The following MRE11 variants were observed in gnomAD, a reference collection of about 807,000 sequenced individuals.
The protein encoded by MRE11 is MRE11 double strand break repair nuclease, also known as double-strand break repair protein MRE11.
MRE11 carries 62 observed loss-of-function variants against 91.7 expected under a neutral mutation model. The ratio of observed to expected loss-of-function variants is 0.68; its 90% confidence interval spans 0.55 to 0.84. The LOEUF is 0.84. MRE11 is among the 40% of genes least tolerant of loss of function. The pLI, the probability that MRE11 is intolerant of heterozygous loss-of-function variation, is 0.00. For synonymous variants in MRE11, 273 were observed against 271.4 expected, an observed-to-expected ratio of 1.01 and a Z score of -0.06; for missense variants, 796 against 852.9, an observed-to-expected ratio of 0.93 and a Z score of 0.83.
chr11:94,485,663 A>G (rs1431763563), intron 4 of MRE11, among the ~76,000 whole-genome samples: 1 of 151,298 alleles, frequency 6.6e-6, no homozygotes, highest in Non-Finnish European at 1.5e-5. Flanking sequence ...CTGGAGTGCA[A>G]TGGCACAATT....
At chr11:94,495,173 G>C (rs1358813680), upstream of MRE11, among the ~76,000 whole-genome samples, 1 of 152,130 alleles carries the variant, frequency 6.6e-6, no homozygotes, top group African/African-American at 2.4e-5. Flanking sequence ...TAGTAATAAA[G>C]TTTAATACCA....
chr11:94,430,126 A>C lies in MRE11; in HGVS notation c.1995-140T>G, dbSNP rs748421233. On this transcript the variant is annotated intron_variant, in intron 18 of 19. Transcript: ENST00000323929. ...TCCCTTAAAATCTACATTAGCGGCAATAAAACTTAACTGTAAGGAAAAGGA... is the reference window on the plus strand; with the variant it reads ...TCCCTTAAAATCTACATTAGCGGCACTAAAACTTAACTGTAAGGAAAAGGA... 519 of 868,926 alleles carry C rather than the reference A, an allele frequency of 6.0e-4. No individual in the cohort carries two copies. The highest frequency in any genetic ancestry group is 8.9e-4 in the Non-Finnish European group (475 of 532,434). 53.8% of individuals were successfully genotyped at this position (868,926 alleles called of 1,614,324 possible).
chr11:94,431,759 T>C (rs1377863143), intron 18 of MRE11, among the ~76,000 whole-genome samples: 1 of 152,222 alleles, frequency 6.6e-6, no homozygotes, highest in African/African-American at 2.4e-5. Context: ...AATTCACATG[T>C]AAAATGCTCA....
chr11:94,481,264 G>A (rs924186006), intron 4 of MRE11, among the ~76,000 whole-genome samples: 22 of 151,956 alleles, frequency 1.4e-4, no homozygotes, highest in African/African-American at 4.8e-4. Context: ...AGCCGAGATC[G>A]CGCCACTGCT....
intron 13 of MRE11, 94 bp downstream of exon 13, chr11:94,459,314 G>C (rs1946350909): frequency 8.8e-6 from 11 of 1,246,854 alleles, no homozygotes; most frequent in African/African-American, 1.5e-5. Flanking sequence ...ACAAATCAGA[G>C]AGGTTAAATA....
At chr11:94,492,212 C>T (rs1036960973) in intron 2 of MRE11, among the ~76,000 whole-genome samples, 2 of 152,116 alleles carry the variant, frequency 1.3e-5, no homozygotes, top group Admixed American at 1.3e-4. Context: ...CCTCAGCCTC[C>T]TGAGTAGCTG....
chr11:94,446,322 G>C (rs1945929982), intron 15 of MRE11, among the ~76,000 whole-genome samples: 1 of 152,144 alleles, frequency 6.6e-6, no homozygotes, highest in Non-Finnish European at 1.5e-5. Flanking sequence ...CAGGAGAATT[G>C]CTTGAACCTG....
chr11:94,456,141 A>C (rs1293155102), intron 14 of MRE11, 135 bp downstream of exon 14: 1 of 722,428 alleles, frequency 1.4e-6, no homozygotes, highest in African/African-American at 1.8e-5. Context: ...ATCAACCAAA[A>C]GCAGCCATCC....
At position 94,430,858 on chromosome 11, in the gene MRE11, A is replaced by G. The variant is rs529815797; in HGVS notation, c.1995-872T>C. ...AAGTCACTTTAGATCGGGGCCAGTAAGCAAATCTAGCCCACCACCAGGTTT... is the reference window on the plus strand; with the variant it reads ...AAGTCACTTTAGATCGGGGCCAGTAGGCAAATCTAGCCCACCACCAGGTTT... On this transcript the variant is annotated intron_variant, in intron 18 of 19. Transcript: ENST00000323929. 5.3e-5 allele frequency among the ~76,000 whole-genome samples: 8 copies of G among 152,348 alleles called. 1 individual carries two copies. The highest frequency in any genetic ancestry group is 1.9e-4 in the African/African-American group (8 of 41,584).
At chr11:94,495,167 A>C (rs755353432), upstream of MRE11, among the ~76,000 whole-genome samples, 1 of 152,208 alleles carries the variant, frequency 6.6e-6, no homozygotes, top group Non-Finnish European at 1.5e-5. Flanking sequence ...TGCCACTAGT[A>C]ATAAAGTTTA....
intron 13 of MRE11, 74 bp from the exon 14 acceptor site, chr11:94,456,412 T>A: frequency 8.8e-7 from 1 of 1,131,174 alleles, no homozygotes; most frequent in South Asian, 1.3e-5. Flanking sequence ...GGGGCTACAA[T>A]TAAGAAATGC....
At chr11:94,459,110 A>T (rs1202484069) in intron 13 of MRE11, among the ~76,000 whole-genome samples, 2 of 152,234 alleles carry the variant, frequency 1.3e-5, no homozygotes, top group Non-Finnish European at 2.9e-5. Flanking sequence ...TAAAAAAATT[A>T]AAATGAACAA....
rs1591654959 is a variant in MRE11, at chr11:94,447,271, T to G, written c.1731A>C (p.Arg577Ser). The G allele has an allele frequency of 6.2e-7, 1 of 1,614,026 alleles. No homozygotes were observed. Among genetic ancestry groups the G allele is most frequent in the East Asian group, 2.2e-5 (1 of 44,874 alleles). Residue 577 changes from arginine to serine, a missense_variant, in exon 15 of 20, where the codon AGA becomes AGC. Physicochemically the swap from Arg to Ser is moderately radical, Grantham distance 110. Coordinates refer to ENST00000323929, the MANE Select transcript of MRE11 (RefSeq NM_005591.4). ...ATGCTGAATTCTGCCCTCTTCCACC[T>G]CTTCGACCTCTTCCTCGGCCTCTTC... ...NKGRGRGRGR[R>S]GGRGQNSASR...
chr11:94,482,540 T>G (rs570927989), intron 4 of MRE11, among the ~76,000 whole-genome samples: 25 of 152,008 alleles, frequency 1.6e-4, no homozygotes, highest in Non-Finnish European at 2.5e-4. Context: ...GGAACAACAG[T>G]GAGCAAAGAA....
At chr11:94,477,336 A>G (rs1946888439) in intron 6 of MRE11, among the ~76,000 whole-genome samples, 1 of 152,348 alleles carries the variant, frequency 6.6e-6, no homozygotes, top group South Asian at 2.1e-4. Flanking sequence ...CTTTCAAACA[A>G]TTCTCATACT....
chr11:94,434,613 T>C (rs958828968), intron 18 of MRE11, among the ~76,000 whole-genome samples: 1 of 152,052 alleles, frequency 6.6e-6, no homozygotes, highest in African/African-American at 2.4e-5. Context: ...GGACCACCGT[T>C]TTCCACCCTA....
chr11:94,471,347 A>C (rs1291169800), intron 8 of MRE11, among the ~76,000 whole-genome samples: 1 of 152,026 alleles, frequency 6.6e-6, no homozygotes, highest in Non-Finnish European at 1.5e-5. Context: ...AATTTGCCTA[A>C]TGAGCAGCAA....
upstream of MRE11, chr11:94,496,886 T>G: frequency 6.2e-7 from 1 of 1,613,446 alleles, no homozygotes; most frequent in Non-Finnish European, 8.5e-7. Context: ...GTGGTATCGA[T>G]TGCAAGAAAA....
chr11:94,503,271 G>GT, the MRE11 span, among the ~76,000 whole-genome samples: 5 of 151,990 alleles, frequency 3.3e-5, no homozygotes, highest in African/African-American at 4.8e-5. Flanking sequence ...TCTACTCTCT[G>GT]TTTCTAGGAG....
Sources: allele counts gnomAD v4.1 joint callset (sites outside exome capture counted in the v4.1 genomes callset), GRCh38; gene constraint gnomAD v4.1.1; transcripts MANE v1.5; gene names NCBI Gene and HGNC (gene_info 2026-07-23, HGNC 2026-07-21).